PRKN: variants seen among roughly 807,000 people sequenced by gnomAD.
The protein encoded by PRKN is E3 ubiquitin-protein ligase parkin.
A neutral mutation model predicts 59.5 loss-of-function variants in PRKN; 56 were observed. The ratio of observed to expected loss-of-function variants is 0.94; its 90% CI spans 0.76 to 1.18. The LOEUF (loss-of-function observed/expected upper bound fraction) is 1.18. Ranked by LOEUF, PRKN falls within the 50% of genes most tolerant of loss-of-function variation. The pLI is 0.00. For missense variants in PRKN, 657 were observed against 596.4 expected, an observed-to-expected ratio of 1.10 and a Z score of -1.06; for synonymous variants, 250 against 222.1, an observed-to-expected ratio of 1.13 and a Z score of -1.12.
At chr6:162,086,433 C>A (rs1246240391) in intron 4 of PRKN, among the ~76,000 whole-genome samples, 1 of 152,086 alleles carries the variant, frequency 6.6e-6, no homozygotes, top group African/African-American at 2.4e-5. Context: ...ACCTTTTTCA[C>A]CAATGGAGAG....
intron 6 of PRKN, among the ~76,000 whole-genome samples, chr6:161,929,392 A>G (rs1472434687): frequency 1.3e-5 from 2 of 151,912 alleles, no homozygotes; most frequent in Non-Finnish European, 2.9e-5. Context: ...TGTATGGAGT[A>G]TTATTTTGGG....
At chr6:162,334,652 A>T (rs978665939) in intron 2 of PRKN, among the ~76,000 whole-genome samples, 4 of 152,188 alleles carry the variant, frequency 2.6e-5, no homozygotes, top group Admixed American at 2.0e-4. Context: ...TGGATTAAGG[A>T]GCAATTTTAA....
At chr6:162,201,668 T>A (rs1784736493) in intron 3 of PRKN, among the ~76,000 whole-genome samples, 1 of 152,150 alleles carries the variant, frequency 6.6e-6, no homozygotes, top group East Asian at 1.9e-4. Flanking sequence ...CCTCATAATA[T>A]CTACAGAGAA....
At chr6:161,510,893 G>A (rs1778361602) in intron 9 of PRKN, among the ~76,000 whole-genome samples, 2 of 152,194 alleles carry the variant, frequency 1.3e-5, no homozygotes, top group Non-Finnish European at 2.9e-5. Flanking sequence ...TTGCAGGAGA[G>A]GGTGTTGACC....
chr6:162,317,816 C>CA (rs1782815457), intron 2 of PRKN, among the ~76,000 whole-genome samples: 1 of 152,008 alleles, frequency 6.6e-6, no homozygotes, highest in South Asian at 2.1e-4. Context: ...GAAGGACAGA[C>CA]AGACATGTAA....
At chr6:162,091,430 T>G (rs572362624) in intron 4 of PRKN, among the ~76,000 whole-genome samples, 133 of 152,282 alleles carry the variant, frequency 8.7e-4, no homozygotes, top group African/African-American at 3.1e-3. Flanking sequence ...AAATCAGACT[T>G]ACAAACATCA....
intron 5 of PRKN, among the ~76,000 whole-genome samples, chr6:162,041,880 G>A (rs1167117070): frequency 6.6e-6 from 1 of 152,002 alleles, no homozygotes; most frequent in African/African-American, 2.4e-5. Flanking sequence ...ATTTAGTCCC[G>A]TACGTGTGGC....
intron 1 of PRKN, among the ~76,000 whole-genome samples, chr6:162,717,136 C>A (rs1183695491): frequency 6.6e-6 from 1 of 152,140 alleles, no homozygotes; most frequent in Non-Finnish European, 1.5e-5. Context: ...AAGGAGAAGG[C>A]AATGTGACCA....
intron 1 of PRKN, among the ~76,000 whole-genome samples, chr6:162,546,710 C>A (rs1413503758): frequency 6.6e-6 from 1 of 152,124 alleles, no homozygotes; most frequent in Non-Finnish European, 1.5e-5. Flanking sequence ...TCCCAAAATA[C>A]TGGGATTACA....
chr6:162,148,809 A>G (rs1362214732), intron 4 of PRKN, among the ~76,000 whole-genome samples: 1 of 152,194 alleles, frequency 6.6e-6, no homozygotes, highest in Admixed American at 6.5e-5. Context: ...TACAAGACAA[A>G]AAGTTCAAGG....
chr6:162,569,112 AG>A, intron 1 of PRKN: 1 of 659,642 alleles, frequency 1.5e-6, no homozygotes. Context: ...GCGTAGTATG[AG>A]GAGATCACCC....
intron 1 of PRKN, among the ~76,000 whole-genome samples, chr6:162,713,074 A>C (rs2128239013): frequency 6.6e-6 from 1 of 152,360 alleles, no homozygotes; most frequent in East Asian, 1.9e-4. Context: ...AGTGAATAAG[A>C]AGTGCTACTA....
chr6:162,545,034 C>T (rs1247550614), intron 1 of PRKN, among the ~76,000 whole-genome samples: 3 of 151,054 alleles, frequency 2.0e-5, no homozygotes, highest in African/African-American at 7.3e-5. Flanking sequence ...CACCTGTAAT[C>T]CCAGCACTTT....
intron 9 of PRKN, among the ~76,000 whole-genome samples, chr6:161,504,965 A>G (rs1027793453): frequency 2.9e-4 from 42 of 145,848 alleles, no homozygotes; most frequent in African/African-American, 1.0e-3. Context: ...TGCTATTGTG[A>G]ATAGTGCTGC....
At chr6:162,390,236 A>G (rs1377849381) in intron 2 of PRKN, among the ~76,000 whole-genome samples, 1 of 151,906 alleles carries the variant, frequency 6.6e-6, no homozygotes, top group Non-Finnish European at 1.5e-5. Flanking sequence ...AATTAAATGT[A>G]TAACACCAAA....
chr6:161,492,893 T>C (rs1001634377), intron 9 of PRKN, among the ~76,000 whole-genome samples: 3 of 152,188 alleles, frequency 2.0e-5, no homozygotes, highest in Non-Finnish European at 4.4e-5. Context: ...ACACTGGGTG[T>C]CATGTTAGAC....
intron 9 of PRKN, among the ~76,000 whole-genome samples, chr6:161,408,081 C>T (rs1381298481): frequency 1.3e-5 from 2 of 152,134 alleles, no homozygotes; most frequent in Non-Finnish European, 1.5e-5. Context: ...ACAGGCTTGA[C>T]AAAAGCTTTA....
At chr6:161,667,021 A>G (rs556394609) in intron 7 of PRKN, among the ~76,000 whole-genome samples, 2 of 152,310 alleles carry the variant, frequency 1.3e-5, no homozygotes, top group African/African-American at 4.8e-5. Flanking sequence ...AAGACAATGA[A>G]TGAGCCTGTT....
chr6:162,134,593 A>G (rs1036373947), intron 4 of PRKN, among the ~76,000 whole-genome samples: 2 of 152,322 alleles, frequency 1.3e-5, no homozygotes, highest in South Asian at 2.1e-4. Flanking sequence ...AAATGAAGGC[A>G]GAAGAAAGTT....
Sources: gnomAD v4.1 joint callset for allele counts (sites outside exome capture counted in the v4.1 genomes callset) on GRCh38, gnomAD v4.1.1 for gene constraint, MANE v1.5 for transcripts, NCBI Gene and HGNC (gene_info 2026-07-23, HGNC 2026-07-21) for gene names.